GALNT13: variants seen among roughly 807,000 people sequenced by gnomAD.
GALNT13 encodes the protein UDP-GalNAc:polypeptide N-acetylgalactosaminyltransferase 13.
A neutral mutation model predicts 64.2 loss-of-function variants in GALNT13; 28 were observed. That is an observed-to-expected ratio of 0.44 (90% CI 0.32 to 0.60). The LOEUF is 0.60. Among genes scored for constraint, GALNT13 ranks in the 20% least tolerant of loss-of-function variants. The pLI is 0.05. For synonymous variants in GALNT13, 214 were observed against 224.6 expected (o/e 0.95, Z 0.42); for missense variants, 577 against 669.8 (o/e 0.86, Z 1.53).
chr2:154,269,215 T>C (rs889736900), intron 8 of GALNT13, among the ~76,000 whole-genome samples: 4 of 152,128 alleles, frequency 2.6e-5, no homozygotes, highest in Non-Finnish European at 4.4e-5. Flanking sequence ...ATCCAGACTT[T>C]TTAAAAATAC....
chr2:154,312,068 G>A (rs1475400866), intron 9 of GALNT13, among the ~76,000 whole-genome samples: 38 of 151,356 alleles, frequency 2.5e-4, no homozygotes, highest in Non-Finnish European at 5.9e-5. Context: ...CATCCTTCTC[G>A]GCTGACAGGA....
chr2:153,382,087 G>T, the GALNT13 span, among the ~76,000 whole-genome samples: 1 of 152,116 alleles, frequency 6.6e-6, no homozygotes, highest in Non-Finnish European at 1.5e-5. Context: ...ATCTTGAGGT[G>T]ATTCTCAGCA....
chr2:154,220,591 C>T (rs1409556550), intron 4 of GALNT13, among the ~76,000 whole-genome samples: 1 of 152,030 alleles, frequency 6.6e-6, no homozygotes, highest in African/African-American at 2.4e-5. Flanking sequence ...TTTTAACTTA[C>T]ATATTTATAT....
chr2:153,954,603 A>C (rs1243187298), intron 3 of GALNT13, among the ~76,000 whole-genome samples: 1 of 149,436 alleles, frequency 6.7e-6, no homozygotes, highest in East Asian at 1.9e-4. Context: ...AATTATAGTT[A>C]CTATAATAAT....
the GALNT13 span, among the ~76,000 whole-genome samples, chr2:153,162,770 A>T: frequency 6.6e-6 from 1 of 152,354 alleles, no homozygotes; most frequent in African/African-American, 2.4e-5. Flanking sequence ...ATGTAGTGAG[A>T]TGAATATAAG....
At chr2:154,022,070 A>G in intron 3 of GALNT13, among the ~76,000 whole-genome samples, 1 of 152,036 alleles carries the variant, frequency 6.6e-6, no homozygotes, top group East Asian at 1.9e-4. Context: ...ATCATGGTGA[A>G]TAAGCTTTTT....
At chr2:153,717,136 T>C in the GALNT13 span, among the ~76,000 whole-genome samples, 21 of 152,176 alleles carry the variant, frequency 1.4e-4, no homozygotes, top group Admixed American at 3.9e-4. Flanking sequence ...GCAGTGTTTA[T>C]TCCCCCGACA....
intron 11 of GALNT13, among the ~76,000 whole-genome samples, chr2:154,434,291 G>A (rs557510572): frequency 5.9e-5 from 9 of 152,200 alleles, no homozygotes; most frequent in African/African-American, 1.9e-4. Flanking sequence ...GAGGAGTCTC[G>A]CTCTGTAGCC....
the GALNT13 span, among the ~76,000 whole-genome samples, chr2:153,402,868 T>C: frequency 3.9e-5 from 6 of 152,210 alleles, no homozygotes; most frequent in African/African-American, 1.4e-4. Flanking sequence ...TTGCCTTTGG[T>C]TTGAATGTCC....
At chr2:153,940,214 G>T (rs1048769583) in intron 2 of GALNT13, among the ~76,000 whole-genome samples, 1 of 149,992 alleles carries the variant, frequency 6.7e-6, no homozygotes, top group Non-Finnish European at 1.5e-5. Context: ...TGGACACTTT[G>T]GTTTAGGCTG....
intron 8 of GALNT13, among the ~76,000 whole-genome samples, chr2:154,298,695 A>AATGTATATATAAT (rs1693194348): frequency 8.2e-6 from 1 of 121,620 alleles, no homozygotes; most frequent in African/African-American, 3.1e-5. Flanking sequence ...TTATATATAC[A>AATGTATATATAAT]TTGTATATAC....
the GALNT13 span, among the ~76,000 whole-genome samples, chr2:153,789,819 C>T: frequency 2.0e-5 from 3 of 152,202 alleles, no homozygotes; most frequent in Non-Finnish European, 4.4e-5. Context: ...TGCACACAAA[C>T]TAGAAAACCT....
At chr2:154,021,301 A>G (rs915490533) in intron 3 of GALNT13, among the ~76,000 whole-genome samples, 40 of 152,174 alleles carry the variant, frequency 2.6e-4, no homozygotes, top group African/African-American at 9.7e-4. Context: ...CAGTATGGCC[A>G]TTTTCACAGT....
intron 11 of GALNT13, among the ~76,000 whole-genome samples, chr2:154,414,245 A>G (rs898244603): frequency 4.6e-5 from 7 of 152,084 alleles, no homozygotes; most frequent in African/African-American, 1.7e-4. Context: ...ACTAATAGCT[A>G]AAATAAAAAG....
the GALNT13 span, among the ~76,000 whole-genome samples, chr2:153,292,210 G>A: frequency 6.6e-6 from 1 of 152,148 alleles, no homozygotes; most frequent in East Asian, 1.9e-4. Flanking sequence ...TCACCACCAA[G>A]GTTCTCTCCT....
intron 3 of GALNT13, among the ~76,000 whole-genome samples, chr2:154,012,515 C>T (rs1439833946): frequency 1.3e-5 from 2 of 152,044 alleles, no homozygotes; most frequent in Admixed American, 6.6e-5. Flanking sequence ...TTCATTATGA[C>T]CCTGGAAAAT....
chr2:153,198,151 T>C, the GALNT13 span, among the ~76,000 whole-genome samples: 1 of 152,048 alleles, frequency 6.6e-6, no homozygotes, highest in Non-Finnish European at 1.5e-5. Context: ...GGTCCCAGGG[T>C]AGGATGTAGT....
the GALNT13 span, among the ~76,000 whole-genome samples, chr2:153,599,175 T>A: frequency 1.2e-4 from 19 of 152,138 alleles, no homozygotes; most frequent in East Asian, 2.7e-3. Context: ...AGCTTCAAAA[T>A]TTTTTTCCAG....
At chr2:153,813,091 A>G in the GALNT13 span, among the ~76,000 whole-genome samples, 2 of 152,040 alleles carry the variant, frequency 1.3e-5, no homozygotes, top group Admixed American at 1.3e-4. Context: ...TGGGTTCATC[A>G]TCTTATTGTC....
Sources: allele counts gnomAD v4.1 joint callset (sites outside exome capture counted in the v4.1 genomes callset), GRCh38; gene constraint gnomAD v4.1.1; transcripts MANE v1.5; gene names NCBI Gene and HGNC (gene_info 2026-07-23, HGNC 2026-07-21).